Variants in GALNT10 observed in about 807,000 individuals in gnomAD.
GALNT10 encodes polypeptide N-acetylgalactosaminyltransferase 10.
GALNT10 carries 41 observed loss-of-function variants against 75.0 expected under a neutral mutation model. The ratio of observed to expected loss-of-function variants is 0.55; its 90% CI spans 0.43 to 0.71. The LOEUF is 0.71. Among genes scored for constraint, GALNT10 ranks in the 30% least tolerant of loss-of-function variants. The pLI, the probability that GALNT10 is intolerant of heterozygous loss-of-function variation, is 0.00. For synonymous variants in GALNT10, 302 were observed against 313.0 expected, an observed-to-expected ratio of 0.96 and a Z score of 0.37; for missense variants, 727 against 818.5, an observed-to-expected ratio of 0.89 and a Z score of 1.36.
intron 4 of GALNT10, among the ~76,000 whole-genome samples, chr5:154,374,075 A>AAGC (rs1250822972): frequency 6.6e-6 from 1 of 152,098 alleles, no homozygotes; most frequent in East Asian, 1.9e-4. Context: ...TTTCGAACAT[A>AAGC]GTGTTCCTGA....
At chr5:154,357,053 G>A (rs1199884408) in intron 4 of GALNT10, among the ~76,000 whole-genome samples, 3 of 152,184 alleles carry the variant, frequency 2.0e-5, no homozygotes, top group African/African-American at 7.2e-5. Flanking sequence ...TCCCGGGTAT[G>A]TTTATAGAAG....
chr5:154,326,113 C>T (rs1754753524), intron 3 of GALNT10, among the ~76,000 whole-genome samples: 1 of 151,814 alleles, frequency 6.6e-6, no homozygotes, highest in Non-Finnish European at 1.5e-5. Context: ...ATTTACTAGC[C>T]ATTTTTCCAG....
intron 1 of GALNT10, among the ~76,000 whole-genome samples, chr5:154,205,830 GAGGA>G (rs891352064): frequency 6.6e-6 from 1 of 152,200 alleles, no homozygotes; most frequent in African/African-American, 2.4e-5. Context: ...GCTGGAAGAG[GAGGA>G]AGGAAGCATC....
intron 1 of GALNT10, among the ~76,000 whole-genome samples, chr5:154,228,454 G>C (rs1023047813): frequency 6.6e-6 from 1 of 152,116 alleles, no homozygotes; most frequent in Non-Finnish European, 1.5e-5. Flanking sequence ...AGGTAAAGGC[G>C]GGCTCCTCCA....
chr5:154,294,547 G>A (rs1754245925), intron 1 of GALNT10, among the ~76,000 whole-genome samples: 1 of 152,162 alleles, frequency 6.6e-6, no homozygotes, highest in Non-Finnish European at 1.5e-5. Context: ...TTTCTCCCTT[G>A]GGTGAAAAGA....
At chr5:154,295,462 T>C (rs1334331958) in intron 2 of GALNT10, among the ~76,000 whole-genome samples, 2 of 152,108 alleles carry the variant, frequency 1.3e-5, no homozygotes, top group Non-Finnish European at 2.9e-5. Context: ...AACTTGGAAT[T>C]TGAACCCAGG....
At chr5:154,221,331 C>A (rs12517383) in intron 1 of GALNT10, among the ~76,000 whole-genome samples, 100,124 of 152,058 alleles carry the variant, frequency 0.66, 33,316 homozygotes, top group East Asian at 0.85. Flanking sequence ...AAGGCCCCAT[C>A]CTTCCTATAT....
intron 4 of GALNT10, chr5:154,338,476 A>G: frequency 3.7e-6 from 1 of 272,934 alleles, no homozygotes; most frequent in Non-Finnish European, 7.1e-6. Context: ...GGAGACTTTA[A>G]TGGTGCTTCC....
rs1363743526 is a variant in GALNT10, at chr5:154,402,177, T to C, written c.1057-1927T>C. Among the ~76,000 whole-genome samples, 1 of 152,234 alleles carries C rather than the reference T, an allele frequency of 6.6e-6. No homozygotes were observed. Among genetic ancestry groups the C allele is most frequent in the African/African-American group, 2.4e-5 (1 of 41,462 alleles). ...GACCTTCTGTGAAGACTCCTTGTTC[T>C]GCCCCGTGAGGGCCCTGCGGGAGCC... On this transcript the variant is annotated intron_variant, in intron 7 of 11. Coordinates refer to ENST00000297107, the MANE Select transcript of GALNT10 (RefSeq NM_198321.4). This position sits in a 1 kb window ranked among gnomAD's most constrained non-coding sequence, Gnocchi z 4.2.
chr5:154,283,774 G>GCAGC (rs1480125061), intron 1 of GALNT10, among the ~76,000 whole-genome samples: 2 of 152,186 alleles, frequency 1.3e-5, no homozygotes, highest in African/African-American at 4.8e-5. Flanking sequence ...CAAGCAGTGA[G>GCAGC]CAGCCAGCCA....
chr5:154,321,629 C>T (rs1260896605), intron 3 of GALNT10, among the ~76,000 whole-genome samples: 1 of 152,144 alleles, frequency 6.6e-6, no homozygotes, highest in Non-Finnish European at 1.5e-5. Context: ...TGGCCACCCC[C>T]AGAACTTGTT....
At chr5:154,283,450 A>G (rs773827159) in intron 1 of GALNT10, among the ~76,000 whole-genome samples, 9 of 152,184 alleles carry the variant, frequency 5.9e-5, no homozygotes, top group African/African-American at 7.2e-5. Context: ...GCAAGATCCT[A>G]TCTCTTAAAA....
intron 1 of GALNT10, among the ~76,000 whole-genome samples, chr5:154,269,871 C>T (rs1315836253): frequency 1.3e-5 from 2 of 152,128 alleles, no homozygotes; most frequent in Admixed American, 1.3e-4. Flanking sequence ...ACAGTGACAC[C>T]AAGGTGAGAG....
intron 4 of GALNT10, among the ~76,000 whole-genome samples, chr5:154,359,639 G>T (rs1162523400): frequency 6.6e-6 from 1 of 151,672 alleles, no homozygotes; most frequent in African/African-American, 2.4e-5. Flanking sequence ...GAGATTCTTG[G>T]GGGGCCAGGG....
chr5:154,297,803 A>ATTCCCCT (rs10679917), intron 2 of GALNT10, 138 bp from the exon 3 acceptor site: 1 of 184,032 alleles, frequency 5.4e-6, no homozygotes, highest in Non-Finnish European at 1.2e-5. Flanking sequence ...CTTTGTACTG[A>ATTCCCCT]GCAAAAACTG....
At chr5:154,245,456 T>C (rs1051098788) in intron 1 of GALNT10, among the ~76,000 whole-genome samples, 1 of 152,096 alleles carries the variant, frequency 6.6e-6, no homozygotes, top group Non-Finnish European at 1.5e-5. Context: ...ATGTCACAGC[T>C]GAGAAAACTA....
chr5:154,229,131 G>A (rs1753108664), intron 1 of GALNT10, among the ~76,000 whole-genome samples: 1 of 152,016 alleles, frequency 6.6e-6, no homozygotes, highest in Non-Finnish European at 1.5e-5. Context: ...CATTTCTTTT[G>A]GTAAGCACTA....
chr5:154,350,132 G>T (rs1372178223), intron 4 of GALNT10, among the ~76,000 whole-genome samples: 2 of 152,218 alleles, frequency 1.3e-5, no homozygotes, highest in Middle Eastern at 3.4e-3. Context: ...TGGCTGCTCT[G>T]CCTATGCAGT....
At position 154,368,025 on chromosome 5, in the gene GALNT10, T is replaced by C. The variant is rs116496914; in HGVS notation, c.569-8252T>C. Among the ~76,000 whole-genome samples, 1,086 of 152,344 alleles carry C rather than the reference T, an allele frequency of 7.1e-3. 15 individuals carry two copies. Among genetic ancestry groups the C allele is most frequent in the African/African-American group, 0.024 (1,017 of 41,578 alleles). On this transcript the variant is annotated intron_variant, in intron 4 of 11. Coordinates refer to ENST00000297107, the MANE Select transcript of GALNT10 (RefSeq NM_198321.4). ...TTTTCTAAACTCACCTTCGGCATTA[T>C]GTCACACCAGTGATCTGATCCTCAA...
Sources: allele counts gnomAD v4.1 joint callset (sites outside exome capture counted in the v4.1 genomes callset), GRCh38; gene constraint gnomAD v4.1.1; non-coding constraint Gnocchi (gnomAD v3.1); transcripts MANE v1.5; gene names NCBI Gene and HGNC (gene_info 2026-07-23, HGNC 2026-07-21).